Variants in ARHGEF9 observed in about 807,000 individuals in gnomAD.
The protein encoded by ARHGEF9 is Cdc42 guanine nucleotide exchange factor 9.
In ARHGEF9, 2 loss-of-function variants were observed where a neutral mutation model predicts 41.3. That is an observed-to-expected ratio of 0.05 (90% confidence interval 0.02 to 0.15). ARHGEF9 has a LOEUF of 0.15. ARHGEF9 is among the 10% of genes least tolerant of loss of function. ARHGEF9 has a pLI of 1.00. For synonymous variants in ARHGEF9, 160 were observed against 154.4 expected (o/e 1.04, Z -0.27); for missense variants, 225 against 424.7 (o/e 0.53, Z 4.13).
At chrX:63,683,162 A>T (rs1467568594) in intron 4 of ARHGEF9, among the ~76,000 whole-genome samples, 1 of 111,556 alleles carries the variant, frequency 9.0e-6, no homozygotes, top group Admixed American at 9.5e-5. Flanking sequence ...GATACAAAAA[A>T]AAAATCAGTG....
rs782807065 is a variant in ARHGEF9 at position 63,636,870 on chromosome X, G to T, written c.*1158C>A. Reference sequence around the variant, plus strand: ...GGTAGCTGATGATCTTGATCAGGTGGGCTCTGTCTTGAACCCCTCCATACT... The same window carrying T: ...GGTAGCTGATGATCTTGATCAGGTGTGCTCTGTCTTGAACCCCTCCATACT... On this transcript the variant is annotated 3_prime_UTR_variant, in exon 10 of 10. Coordinates refer to ENST00000671741, the MANE Select transcript of ARHGEF9 (RefSeq NM_001353921.2). The T allele has an allele frequency of 2.8e-4, 83 of 295,433 alleles. No individual in the cohort carries two copies. The highest frequency in any genetic ancestry group is 4.6e-4 in the Non-Finnish European group (78 of 169,989). The allele number at this position is 295,433 out of a possible 1,213,427, so 24.3% of individuals were successfully genotyped here.
At chrX:63,695,229 G>GC (rs1301829617) in intron 4 of ARHGEF9, among the ~76,000 whole-genome samples, 2 of 111,681 alleles carry the variant, frequency 1.8e-5, no homozygotes, top group Non-Finnish European at 3.8e-5. Context: ...GTACAGGGCA[G>GC]CCCCCGGTTG....
At chrX:63,771,465 T>G (rs1490468831) in intron 1 of ARHGEF9, among the ~76,000 whole-genome samples, 1 of 112,305 alleles carries the variant, frequency 8.9e-6, no homozygotes, top group Non-Finnish European at 1.9e-5. Context: ...TCTGCATATT[T>G]CTGTCAAGGT....
At chrX:63,754,973 G>A in intron 1 of ARHGEF9, 1 of 938,597 alleles carries the variant, frequency 1.1e-6, no homozygotes, top group Non-Finnish European at 1.3e-6. Flanking sequence ...GCGTCCGTCC[G>A]CCTGCCTGGC....
intron 2 of ARHGEF9, among the ~76,000 whole-genome samples, chrX:63,711,550 G>A (rs2052933189): frequency 8.9e-6 from 1 of 111,761 alleles, no homozygotes; most frequent in Non-Finnish European, 1.9e-5. Flanking sequence ...ATTATTCAAG[G>A]GGGAAAATAT....
At chrX:63,676,439 A>G (rs1247529863) in intron 5 of ARHGEF9, among the ~76,000 whole-genome samples, 1 of 111,935 alleles carries the variant, frequency 8.9e-6, no homozygotes, top group African/African-American at 3.3e-5. Context: ...CCTGTCCGTG[A>G]GCTATTTATT....
At chrX:63,698,883 C>T (rs1569477749) in intron 3 of ARHGEF9, among the ~76,000 whole-genome samples, 1 of 112,190 alleles carries the variant, frequency 8.9e-6, no homozygotes, top group Non-Finnish European at 1.9e-5. Context: ...CTTTCATATG[C>T]AATTTTTGAT....
Position 63,635,492 on chromosome X carries a change from C to A in ARHGEF9, c.*2536G>T. The A allele has an allele frequency of 2.0e-6, 1 of 497,034 alleles. No individual in the cohort carries two copies. Among genetic ancestry groups the A allele is most frequent in the African/African-American group, 2.4e-5 (1 of 41,816 alleles). The allele number at this position is 497,034 out of a possible 1,213,427, so 41.0% of individuals were successfully genotyped here. On this transcript the variant is annotated 3_prime_UTR_variant, in exon 10 of 10. Transcript: ENST00000671741. Reference sequence around the variant, plus strand: ...GGACATAACAGGTTAGGATACTGAACCCAGGTATTTAATTGGGCTCCCCTT... The same window carrying A: ...GGACATAACAGGTTAGGATACTGAAACCAGGTATTTAATTGGGCTCCCCTT...
Position 63,697,152 on chromosome X carries a change from G to A in ARHGEF9, c.555C>T (p.Ser185=), listed in dbSNP as rs782520132. ...GCTCTAGGAAGCAGGGTCCTATCTC[G>A]CTGAGGTGGGGGTCATCATTGTTAT... ...KQYNNDDPHL[S]EIGPCFLEHQ... Residue 185 remains serine, a synonymous_variant, in exon 4 of 10, where the codon AGC becomes AGT. Coordinates refer to ENST00000671741, the MANE Select transcript of ARHGEF9 (RefSeq NM_001353921.2). 1.9e-5 allele frequency: 23 copies of A among 1,208,155 alleles called. No homozygotes were observed. Among genetic ancestry groups the A allele is most frequent in the East Asian group, 1.2e-4 (4 of 33,673 alleles).
chrX:63,779,933 C>A (rs1255568414), intron 1 of ARHGEF9, among the ~76,000 whole-genome samples: 2 of 112,098 alleles, frequency 1.8e-5, no homozygotes, highest in Non-Finnish European at 3.8e-5. Context: ...TATATAACTG[C>A]ATTTCCTAGC....
At chrX:63,694,220 A>G (rs1479347439) in intron 4 of ARHGEF9, among the ~76,000 whole-genome samples, 5 of 111,204 alleles carry the variant, frequency 4.5e-5, no homozygotes, top group African/African-American at 1.6e-4. Flanking sequence ...TCAAGTGTTG[A>G]TGACCATGTG....
chrX:63,672,202 C>T (rs2050002373), intron 6 of ARHGEF9, among the ~76,000 whole-genome samples: 1 of 110,676 alleles, frequency 9.0e-6, no homozygotes, highest in Non-Finnish European at 1.9e-5. Flanking sequence ...ATGAAGAGGG[C>T]CCTCACCAGG....
chrX:63,674,016 C>T (rs1556358854), intron 6 of ARHGEF9, 22 bp downstream of exon 6: 1 of 1,208,464 alleles, frequency 8.3e-7, no homozygotes, highest in African/African-American at 1.8e-5. Context: ...TTTCCCAATA[C>T]CCTGGTTGGT....
chrX:63,760,814 T>A (rs1430017081), intron 1 of ARHGEF9, among the ~76,000 whole-genome samples: 2 of 111,328 alleles, frequency 1.8e-5, no homozygotes, highest in African/African-American at 3.3e-5. Context: ...GAAGAAGAAA[T>A]TGTTATCATT....
chrX:63,778,577 T>C (rs1556460236), intron 1 of ARHGEF9, among the ~76,000 whole-genome samples: 1 of 112,674 alleles, frequency 8.9e-6, no homozygotes, highest in Non-Finnish European at 1.9e-5. Flanking sequence ...TTGCAAATTT[T>C]CCAAACTTGT....
chrX:63,757,956 A>G (rs1209597228), intron 1 of ARHGEF9, among the ~76,000 whole-genome samples: 1 of 112,209 alleles, frequency 8.9e-6, no homozygotes, highest in African/African-American at 3.2e-5. Flanking sequence ...TGCCAATCAT[A>G]TGCACATGCA....
At chrX:63,728,586 T>C (rs189259876) in intron 1 of ARHGEF9, among the ~76,000 whole-genome samples, 2 of 112,435 alleles carry the variant, frequency 1.8e-5, no homozygotes, top group African/African-American at 3.2e-5. Flanking sequence ...TCTAGGAGTA[T>C]AATTTCACAA....
chrX:63,679,912 A>C (rs2147342115), intron 4 of ARHGEF9, among the ~76,000 whole-genome samples: 1 of 112,174 alleles, frequency 8.9e-6, no homozygotes, highest in African/African-American at 3.2e-5. Flanking sequence ...TTTTTCAGAG[A>C]TGACATAATT....
At chrX:63,699,731 T>C (rs146762583) in intron 3 of ARHGEF9, among the ~76,000 whole-genome samples, 1,949 of 112,066 alleles carry the variant, frequency 0.017, 18 homozygotes, top group Middle Eastern at 0.056. Flanking sequence ...AGATTATAAA[T>C]ATATTCTGGT....
Sources: gnomAD v4.1 joint callset for allele counts (sites outside exome capture counted in the v4.1 genomes callset) on GRCh38, gnomAD v4.1.1 for gene constraint, MANE v1.5 for transcripts, NCBI Gene and HGNC (gene_info 2026-07-23, HGNC 2026-07-21) for gene names.